MTIF2: variants seen among roughly 807,000 people sequenced by gnomAD.
MTIF2 encodes translation initiation factor IF-2, mitochondrial.
Under a neutral mutation model 83.5 loss-of-function variants are expected in MTIF2, and 71 were observed. That is an observed-to-expected ratio of 0.85 (90% CI 0.70 to 1.04). MTIF2 has a LOEUF of 1.04. MTIF2 is among the 50% of genes least tolerant of loss of function. MTIF2 has a pLI of 0.00. For synonymous variants in MTIF2, 319 were observed against 287.1 expected (o/e 1.11, Z -1.12); for missense variants, 957 against 846.5 (o/e 1.13, Z -1.62).
At chr2:55,247,898 A>AT (rs1028380933) in intron 9 of MTIF2, among the ~76,000 whole-genome samples, 32 of 148,042 alleles carry the variant, frequency 2.2e-4, no homozygotes, top group South Asian at 1.3e-3. Flanking sequence ...AAATATTTTA[A>AT]TTTTTTTTTT....
In MTIF2 at chr2:55,249,547, G is replaced by C. The variant is rs1676942828; in HGVS notation, c.842-13C>G. 3.7e-6 allele frequency: 6 copies of C among 1,610,396 alleles called. No homozygotes were observed. Among genetic ancestry groups the C allele is most frequent in the Admixed American group, 1.7e-5 (1 of 59,006 alleles). On this transcript the variant is annotated splice_polypyrimidine_tract_variant and intron_variant, in intron 8 of 15. Coordinates refer to ENST00000263629, the MANE Select transcript of MTIF2 (RefSeq NM_002453.3). ...AGGATAATAGGAACTGAAAGAAATG[G>C]AGTTAAAAAGAGTGAAAATGATGAC...
chr2:55,259,115 T>A (rs1283553330), intron 5 of MTIF2, among the ~76,000 whole-genome samples: 1 of 152,226 alleles, frequency 6.6e-6, no homozygotes, highest in African/African-American at 2.4e-5. Flanking sequence ...CTGTGTTAAA[T>A]GCATATGGTA....
rs1676484538 is a variant in MTIF2 at position 55,243,627 on chromosome 2, T to C, written c.1353A>G (p.Gln451=). 2 of 1,613,978 alleles carry C rather than the reference T, an allele frequency of 1.2e-6. No homozygotes were observed. Among genetic ancestry groups the C allele is most frequent in the Non-Finnish European group, 1.7e-6 (2 of 1,179,984 alleles). The stretch of plus-strand genomic sequence containing the variant: ...GATCCTCCTGACCTTTCTCCTGTTC[T>C]TGTTCATATTTCCTCCAGTCAACAA... The part of the protein sequence containing the change: ...REVVDWRKYE[Q]EQEKGQEDLK... Residue 451 remains glutamine (Q), a synonymous_variant, in exon 12 of 16, where the codon CAA becomes CAG. Coordinates refer to ENST00000263629, the MANE Select transcript of MTIF2 (RefSeq NM_002453.3).
chr2:55,252,452 A>G (rs1173274936), intron 8 of MTIF2, 25 bp downstream of exon 8: 4 of 1,602,224 alleles, frequency 2.5e-6, no homozygotes, highest in East Asian at 4.5e-5. Context: ...TATGTAGTAG[A>G]TCCATTAAGT....
Position 55,254,802 on chromosome 2 carries a change from T to G in MTIF2, c.355A>C (p.Asn119His). ...NTDYVYEALL[N>H]TDIDIDSLEA... is the part of the protein sequence containing the mutation. ...AGTGAATCTATGTCAATATCAGTGTTCAATAAAGCTTCATATACATAATCT... is the reference window on the plus strand; with the variant it reads ...AGTGAATCTATGTCAATATCAGTGTGCAATAAAGCTTCATATACATAATCT... The change falls in exon 6 of 16, where the codon AAC (asparagine) becomes CAC (histidine). Residue 119 changes from asparagine to histidine, a missense_variant. By Grantham distance (68) the Asn-to-His change is moderately conservative. Around this residue, in one of 3 missense-constraint regions of MTIF2, gnomAD observed 733 missense variants for 648.7 expected, o/e 1.13. Transcript: ENST00000263629. 6.3e-7 allele frequency: 1 copy of G among 1,596,186 alleles called. No homozygotes were observed.
At position 55,254,111 on chromosome 2, in the gene MTIF2, G is replaced by A. The variant is rs1435113359; in HGVS notation, c.594C>T (p.Asp198=). Residue 198 remains aspartate, a synonymous_variant, in exon 7 of 16, where the codon GAC becomes GAT. Transcript: ENST00000263629. ...CTGCCACTTGAGTTTTTCGAAATTT[G>A]TCAAGTAATGTCGTTTTCCCGTGAT... ...HVDHGKTTLL[D]KFRKTQVAAV... is the part of the protein sequence containing the mutation. 5 of 1,614,144 alleles carry A rather than the reference G, an allele frequency of 3.1e-6. No individual in the cohort carries two copies. Among genetic ancestry groups the A allele is most frequent in the Non-Finnish European group, 3.4e-6 (4 of 1,180,002 alleles).
At chr2:55,236,898 C>G (rs1428471383) in intron 15 of MTIF2, 78 bp from the exon 16 acceptor site, 1 of 1,131,036 alleles carries the variant, frequency 8.8e-7, no homozygotes, top group Admixed American at 3.5e-5. Context: ...GTGGTGTTAA[C>G]CAGGAAATTA....
intron 10 of MTIF2, among the ~76,000 whole-genome samples, chr2:55,245,453 T>C (rs911478427): frequency 4.6e-5 from 7 of 151,844 alleles, no homozygotes; most frequent in African/African-American, 7.3e-5. Flanking sequence ...AACCCAGGGA[T>C]TGGAGGTTGC....
At chr2:55,257,114 A>G (rs1410126214) in intron 5 of MTIF2, among the ~76,000 whole-genome samples, 2 of 152,156 alleles carry the variant, frequency 1.3e-5, no homozygotes, top group African/African-American at 2.4e-5. Context: ...TGTATCTGTG[A>G]TGATAATGAA....
chr2:55,264,855 C>T (rs1678309411), intron 3 of MTIF2, among the ~76,000 whole-genome samples: 1 of 152,076 alleles, frequency 6.6e-6, no homozygotes, highest in African/African-American at 2.4e-5. Context: ...CTTTTCCTCC[C>T]CGTGGCCTCT....
chr2:55,252,451 G>C (rs534265112), intron 8 of MTIF2, 26 bp downstream of exon 8: 6 of 1,600,654 alleles, frequency 3.7e-6, no homozygotes, highest in Non-Finnish European at 4.3e-6. Flanking sequence ...TTATGTAGTA[G>C]ATCCATTAAG....
rs140085313 is a variant in MTIF2, at chr2:55,252,255, T to C, written c.841+222A>G. ...AAAAAAGGGCATAGTAGAGGAAAGATTGTACCTGTGGTCTGTACTTATGGT... is the reference window on the plus strand; with the variant it reads ...AAAAAAGGGCATAGTAGAGGAAAGACTGTACCTGTGGTCTGTACTTATGGT... On this transcript the variant is annotated intron_variant, in intron 8 of 15. Coordinates refer to ENST00000263629, the MANE Select transcript of MTIF2 (RefSeq NM_002453.3). Among the ~76,000 whole-genome samples the C allele has an allele frequency of 1.9e-3, 288 of 152,340 alleles. 1 individual carries two copies. The highest frequency in any genetic ancestry group is 5.5e-3 in the African/African-American group (228 of 41,574).
At chr2:55,264,335 G>C (rs1301361184) in intron 3 of MTIF2, among the ~76,000 whole-genome samples, 1 of 152,186 alleles carries the variant, frequency 6.6e-6, no homozygotes. Flanking sequence ...AGGCTAAGGT[G>C]ATGCTCTCAC....
intron 5 of MTIF2, among the ~76,000 whole-genome samples, chr2:55,260,392 C>T (rs1295369927): frequency 4.3e-5 from 6 of 138,348 alleles, no homozygotes; most frequent in Admixed American, 1.5e-4. Context: ...AAGAGTGAAA[C>T]TCTGTCTCAA....
chr2:55,254,055 A>G lies in MTIF2; in HGVS notation c.650T>C (p.Ile217Thr). The change falls in exon 7 of 16, where the codon ATT becomes ACT. Residue 217 changes from isoleucine to threonine, a missense_variant. Physicochemically the swap from Ile to Thr is moderately conservative, Grantham distance 89. Coordinates refer to ENST00000263629, the MANE Select transcript of MTIF2 (RefSeq NM_002453.3). ...TGTGTTCATACCAAGAAAGGCACCAATGTGCTGAGTGATGCCTCCAGTTTC... is the reference window on the plus strand; with the variant it reads ...TGTGTTCATACCAAGAAAGGCACCAGTGTGCTGAGTGATGCCTCCAGTTTC... ...AVETGGITQH[I>T]GAFLVSLPSG... The G allele has an allele frequency of 1.2e-6, 2 of 1,614,112 alleles. No individual in the cohort carries two copies. Among genetic ancestry groups the G allele is most frequent in the Middle Eastern group, 1.6e-4 (1 of 6,062 alleles).
At chr2:55,263,470 T>C (rs1214608503) in intron 4 of MTIF2, among the ~76,000 whole-genome samples, 170 bp downstream of exon 4, 1 of 152,108 alleles carries the variant, frequency 6.6e-6, no homozygotes, top group East Asian at 1.9e-4. Flanking sequence ...CTATAGCGGG[T>C]GCGGTGGCTA....
chr2:55,261,020 T>TCTTACC lies in MTIF2; in HGVS notation c.331+1295_331+1296insGGTAAG, dbSNP rs761607425. On this transcript the variant is annotated intron_variant, in intron 5 of 15. Transcript: ENST00000263629. Reference sequence around the variant, plus strand: ...TTTTTTTTTTAAGATGGAGTCTCGCTCTGTCGTCCAGGGTAGAGTGCAGTG... The same window carrying TCTTACC: ...TTTTTTTTTTAAGATGGAGTCTCGCTCTTACCCTGTCGTCCAGGGTAGAGTGCAGTG... Among the ~76,000 whole-genome samples, 83 of 151,978 alleles carry TCTTACC rather than the reference T, an allele frequency of 5.5e-4. 2 individuals carry two copies. Among genetic ancestry groups the TCTTACC allele is most frequent in the East Asian group, 7.8e-4 (4 of 5,142 alleles).
intron 3 of MTIF2, among the ~76,000 whole-genome samples, chr2:55,265,716 A>G (rs1678380835): frequency 6.6e-6 from 1 of 152,102 alleles, no homozygotes; most frequent in Non-Finnish European, 1.5e-5. Flanking sequence ...AGGTCATATT[A>G]ATTTTGTTTT....
chr2:55,244,255 A>G (rs1676533082), intron 10 of MTIF2, 22 bp from the exon 11 acceptor site: 4 of 1,557,968 alleles, frequency 2.6e-6, no homozygotes, highest in East Asian at 2.3e-5. Flanking sequence ...ATAAAAGTAT[A>G]TTTTCAATGT....
Sources: gnomAD v4.1 joint callset for allele counts (sites outside exome capture counted in the v4.1 genomes callset) on GRCh38, gnomAD v4.1.1 for gene constraint, gnomAD v4.1.1 regional missense constraint, MANE v1.5 for transcripts, NCBI Gene and HGNC (gene_info 2026-07-23, HGNC 2026-07-21) for gene names.